Variants in LDB3 observed in about 807,000 individuals in gnomAD.
The protein encoded by LDB3 is LIM domain-binding protein 3.
In LDB3, 49 loss-of-function variants were observed where a neutral mutation model predicts 69.0. The observed-to-expected ratio is 0.71, with a 90% CI of 0.56 to 0.90. The LOEUF is 0.90. Among genes scored for constraint, LDB3 ranks in the 40% least tolerant of loss-of-function variants. The pLI, the probability that LDB3 is intolerant of heterozygous loss-of-function variation, is 0.00. For synonymous variants in LDB3, 387 were observed against 396.2 expected, an observed-to-expected ratio of 0.98 and a Z score of 0.28; for missense variants, 928 against 974.1, an observed-to-expected ratio of 0.95 and a Z score of 0.63.
chr10:86,682,221 G>C (rs1259877885), intron 5 of LDB3, among the ~76,000 whole-genome samples: 1 of 152,194 alleles, frequency 6.6e-6, no homozygotes, highest in African/African-American at 2.4e-5. Context: ...TCGGAGGCAG[G>C]AGCAGGGGAG....
At chr10:86,712,302 C>T (rs1414524867) in intron 9 of LDB3, among the ~76,000 whole-genome samples, 1 of 152,164 alleles carries the variant, frequency 6.6e-6, no homozygotes, top group Non-Finnish European at 1.5e-5. Flanking sequence ...GAGGTGGATC[C>T]GGGAGTCTGT....
rs908005487 is a variant in LDB3 at position 86,695,216 on chromosome 10, G to A, written c.896+2645G>A. 2.0e-5 allele frequency among the ~76,000 whole-genome samples: 3 copies of A among 152,354 alleles called. No individual in the cohort carries two copies. In the Middle Eastern group the frequency reaches 0.01, roughly 518 times the overall value. ...GAGTAGTGTCAGGCATTCTGCACCA[G>A]GCAGGGGCTCTGGGACCTCGAGGTC... On this transcript the variant is annotated intron_variant, in intron 7 of 13. Coordinates refer to ENST00000361373, the MANE Select transcript of LDB3 (RefSeq NM_007078.3).
rs755094215 is a variant in LDB3 at position 86,718,807 on chromosome 10, C to A, written c.1938C>A (p.Ser646Arg). Residue 646 changes from serine (S) to arginine (R), a missense_variant, in exon 12 of 14, where the codon AGC becomes AGA. By Grantham distance (110) the Ser-to-Arg change is moderately radical (BLOSUM62 -1). Transcript: ENST00000361373. Reference sequence around the variant, plus strand: ...CCTGCAAGAAGCCTTTTGGGAACAGCCTCTTCCACATGGAAGACGGGGAGC... The same window carrying A: ...CCTGCAAGAAGCCTTTTGGGAACAGACTCTTCCACATGGAAGACGGGGAGC... ...CAACKKPFGN[S>R]LFHMEDGEPY... 1 of 1,614,170 alleles carries A rather than the reference C, an allele frequency of 6.2e-7. No homozygotes were observed. The highest frequency in any genetic ancestry group is 8.5e-7 in the Non-Finnish European group (1 of 1,180,022).
chr10:86,721,001 G>A (rs1041882558), intron 12 of LDB3, among the ~76,000 whole-genome samples: 6 of 152,104 alleles, frequency 3.9e-5, no homozygotes, highest in Non-Finnish European at 7.4e-5. Context: ...GTAGAGATGA[G>A]GTCTTGCTAT....
At chr10:86,673,303 C>T (rs991455943) in intron 2 of LDB3, among the ~76,000 whole-genome samples, 1 of 152,176 alleles carries the variant, frequency 6.6e-6, no homozygotes, top group Non-Finnish European at 1.5e-5. Context: ...GGCAGTGACC[C>T]GTGGCTTTGG....
rs1279353433 is a variant in LDB3, at chr10:86,706,526, A to G, written c.897-5A>G. ...CCTGTTGTCTTTTTGGTCCCGCCTC[A>G]TCAGCACCCCTATTGAGCATGCGCC... On this transcript the variant is annotated splice_polypyrimidine_tract_variant and splice_region_variant and intron_variant, in intron 7 of 13. Transcript: ENST00000361373. 3.1e-6 allele frequency: 5 copies of G among 1,612,046 alleles called. No individual in the cohort carries two copies. Among genetic ancestry groups the G allele is most frequent in the South Asian group, 2.2e-5 (2 of 91,078 alleles).
chr10:86,689,533 G>A (rs973753725), intron 5 of LDB3, among the ~76,000 whole-genome samples: 1 of 152,238 alleles, frequency 6.6e-6, no homozygotes, highest in Non-Finnish European at 1.5e-5. Context: ...GCAGGCCCAG[G>A]CTGGGGGTGC....
intron 13 of LDB3, among the ~76,000 whole-genome samples, chr10:86,726,802 C>A (rs1426207294): frequency 2.0e-5 from 3 of 152,090 alleles, no homozygotes; most frequent in Non-Finnish European, 4.4e-5. Flanking sequence ...GAGATAAGCC[C>A]TGGATTAACT....
At chr10:86,732,865 G>T (rs745630596) in intron 13 of LDB3, 22 bp from the exon 14 acceptor site, 7 of 1,603,766 alleles carry the variant, frequency 4.4e-6, no homozygotes, top group Non-Finnish European at 6.0e-6. Context: ...TGGGTCTCAC[G>T]CAGGTCTGTT....
chr10:86,716,925 C>T (rs1846901054), intron 10 of LDB3, among the ~76,000 whole-genome samples, 154 bp downstream of exon 10: 1 of 152,146 alleles, frequency 6.6e-6, no homozygotes, highest in Non-Finnish European at 1.5e-5. Context: ...CTGGTCTTAC[C>T]TCTCTGAGCC....
At chr10:86,716,990 A>T (rs1038635716) in intron 10 of LDB3, among the ~76,000 whole-genome samples, 1 of 152,218 alleles carries the variant, frequency 6.6e-6, no homozygotes, top group Non-Finnish European at 1.5e-5. Context: ...GAGGAATGGC[A>T]TGAGGTATGT....
intron 9 of LDB3, among the ~76,000 whole-genome samples, chr10:86,715,425 G>A (rs1241499814): frequency 1.3e-5 from 2 of 152,214 alleles, no homozygotes; most frequent in Non-Finnish European, 2.9e-5. Flanking sequence ...CCAGGCGGGA[G>A]AGGGCTGTGG....
chr10:86,688,397 C>T (rs1352241290), intron 5 of LDB3, among the ~76,000 whole-genome samples: 1 of 152,152 alleles, frequency 6.6e-6, no homozygotes, highest in African/African-American at 2.4e-5. Context: ...GGCAGGCTCC[C>T]CAGCCCCAAG....
intron 13 of LDB3, 91 bp from the exon 14 acceptor site, chr10:86,732,796 G>A (rs1434241959): frequency 5.0e-6 from 5 of 995,532 alleles, no homozygotes; most frequent in East Asian, 2.7e-5. Context: ...GAGCCACCAC[G>A]CCTGGCCAGG....
At chr10:86,725,002 G>A (rs940140211) in intron 12 of LDB3, among the ~76,000 whole-genome samples, 3 of 152,174 alleles carry the variant, frequency 2.0e-5, no homozygotes, top group African/African-American at 7.2e-5. Context: ...TAACCCCCAT[G>A]GCACACTGGC....
chr10:86,682,598 C>T (rs1420711516), intron 5 of LDB3, among the ~76,000 whole-genome samples: 4 of 152,188 alleles, frequency 2.6e-5, no homozygotes, highest in Non-Finnish European at 5.9e-5. Context: ...CTTCTACTCC[C>T]GCCCTGTGCA....
intron 7 of LDB3, among the ~76,000 whole-genome samples, chr10:86,697,558 T>C (rs1324253560): frequency 7.3e-6 from 1 of 136,786 alleles, no homozygotes; most frequent in African/African-American, 2.8e-5. Flanking sequence ...TCTTTTTTTT[T>C]TTTTTTTTTT....
chr10:86,707,141 G>A (rs1293261280), intron 8 of LDB3, among the ~76,000 whole-genome samples: 1 of 152,128 alleles, frequency 6.6e-6, no homozygotes, highest in Non-Finnish European at 1.5e-5. Flanking sequence ...CTGTGGGCTG[G>A]AGAAATCAAG....
chr10:86,711,998 C>G (rs975460853), intron 9 of LDB3, among the ~76,000 whole-genome samples: 2 of 152,096 alleles, frequency 1.3e-5, no homozygotes, highest in Non-Finnish European at 2.9e-5. Flanking sequence ...TTCCGTCACG[C>G]AAAAATAGCA....
Sources: gnomAD v4.1 joint callset for allele counts (sites outside exome capture counted in the v4.1 genomes callset) on GRCh38, gnomAD v4.1.1 for gene constraint, MANE v1.5 for transcripts, NCBI Gene and HGNC (gene_info 2026-07-23, HGNC 2026-07-21) for gene names.